The following RSRC1 variants were observed in gnomAD, a reference collection of about 807,000 sequenced individuals.
RSRC1 encodes the protein serine/Arginine-related protein 53.
Under a neutral mutation model 49.1 loss-of-function variants are expected in RSRC1, and 39 were observed. The ratio of observed to expected loss-of-function variants is 0.79; its 90% CI spans 0.61 to 1.04. RSRC1 has a LOEUF of 1.04. RSRC1 is among the 50% of genes least tolerant of loss of function. RSRC1 has a pLI of 0.00. For synonymous variants in RSRC1, 143 were observed against 130.8 expected, an observed-to-expected ratio of 1.09 and a Z score of -0.63; for missense variants, 388 against 402.4, an observed-to-expected ratio of 0.96 and a Z score of 0.31.
intron 7 of RSRC1, among the ~76,000 whole-genome samples, chr3:158,467,533 A>G (rs1379996929): frequency 6.6e-6 from 1 of 152,184 alleles, no homozygotes; most frequent in Non-Finnish European, 1.5e-5. Context: ...TCTGGTTTTT[A>G]GCACAATTTG....
chr3:158,163,537 C>A (rs149291282), intron 3 of RSRC1, among the ~76,000 whole-genome samples: 1 of 152,196 alleles, frequency 6.6e-6, no homozygotes, highest in East Asian at 1.9e-4. Flanking sequence ...CTCTGAATTA[C>A]GTACTTTTTT....
intron 6 of RSRC1, among the ~76,000 whole-genome samples, chr3:158,383,334 G>A (rs536837030): frequency 1.3e-5 from 2 of 152,148 alleles, no homozygotes; most frequent in African/African-American, 2.4e-5. Context: ...ATATGAAGGG[G>A]TGACTGTCCT....
chr3:158,112,361 ATAT>A (rs1003457888), intron 1 of RSRC1, among the ~76,000 whole-genome samples: 25 of 152,282 alleles, frequency 1.6e-4, no homozygotes, highest in Middle Eastern at 3.4e-3. Context: ...CATGCTGATG[ATAT>A]TATGGAAATC....
chr3:158,428,516 A>C (rs1735588313), intron 6 of RSRC1, among the ~76,000 whole-genome samples: 1 of 151,820 alleles, frequency 6.6e-6, no homozygotes, highest in African/African-American at 2.4e-5. Flanking sequence ...TTAACTGTAA[A>C]ATGAGTATGA....
chr3:158,447,804 G>A (rs976196369), intron 6 of RSRC1, among the ~76,000 whole-genome samples: 1 of 151,756 alleles, frequency 6.6e-6, no homozygotes, highest in South Asian at 2.1e-4. Context: ...CAATAATAAT[G>A]TAAAAATTAG....
intron 3 of RSRC1, among the ~76,000 whole-genome samples, chr3:158,199,970 T>G (rs1019832575): frequency 2.4e-5 from 3 of 127,486 alleles, no homozygotes; most frequent in African/African-American, 7.8e-5. Context: ...GAAGTATAGT[T>G]TATGTGACAT....
At chr3:158,122,502 AATAG>A (rs1715326692) in intron 2 of RSRC1, among the ~76,000 whole-genome samples, 2 of 151,996 alleles carry the variant, frequency 1.3e-5, no homozygotes, top group East Asian at 1.9e-4. Context: ...TTAGTAGGCA[AATAG>A]ATAGAAAGTG....
chr3:158,233,273 A>G (rs560400199), intron 4 of RSRC1, among the ~76,000 whole-genome samples: 2 of 152,276 alleles, frequency 1.3e-5, no homozygotes, highest in East Asian at 1.9e-4. Flanking sequence ...AAAGCCGTCT[A>G]TATTTTCCTG....
chr3:158,241,927 A>C (rs911486819), intron 4 of RSRC1, among the ~76,000 whole-genome samples: 3 of 150,490 alleles, frequency 2.0e-5, no homozygotes, highest in African/African-American at 4.9e-5. Context: ...TATACAATTT[A>C]GTGAATTTTT....
rs1383056620 is a variant in RSRC1 at position 158,423,538 on chromosome 3, C to T, written c.584-37397C>T. On this transcript the variant is annotated intron_variant, in intron 6 of 9. Transcript: ENST00000611884. Reference sequence around the variant, plus strand: ...ATGCCTCCAGCTTTGTTCTTTGGCTCAGGATTGACTTGGCGATGCGGGCTC... The same window carrying T: ...ATGCCTCCAGCTTTGTTCTTTGGCTTAGGATTGACTTGGCGATGCGGGCTC... 2.0e-5 allele frequency among the ~76,000 whole-genome samples: 3 copies of T among 151,936 alleles called. 1 individual carries two copies. The highest frequency in any genetic ancestry group is 7.2e-5 in the African/African-American group (3 of 41,390).
Position 158,532,169 on chromosome 3 carries a change from T to C in RSRC1, c.653-4923T>C, listed in dbSNP as rs1379635013. On this transcript the variant is annotated intron_variant, in intron 7 of 9. Coordinates refer to ENST00000611884, the MANE Select transcript of RSRC1 (RefSeq NM_001271838.2). Reference sequence around the variant, plus strand: ...ATAGTAACATAAGTAACTCAGTAACTGTGGGGCCAACTGACCCAAATTTTT... The same window carrying C: ...ATAGTAACATAAGTAACTCAGTAACCGTGGGGCCAACTGACCCAAATTTTT... Among the ~76,000 whole-genome samples, 5 of 151,832 alleles carry C rather than the reference T, an allele frequency of 3.3e-5. No homozygotes were observed. In the East Asian group the frequency reaches 9.7e-4, roughly 29 times the overall value.
At chr3:158,251,799 C>A (rs1214445687) in intron 4 of RSRC1, among the ~76,000 whole-genome samples, 7 of 152,106 alleles carry the variant, frequency 4.6e-5, no homozygotes, top group Non-Finnish European at 7.4e-5. Context: ...AGTTTAGATG[C>A]CCTTCATTTT....
chr3:158,500,653 G>C (rs1339304729), intron 7 of RSRC1, among the ~76,000 whole-genome samples: 1 of 152,008 alleles, frequency 6.6e-6, no homozygotes, highest in Non-Finnish European at 1.5e-5. Flanking sequence ...GTACATAAAG[G>C]TGTTCATAGT....
At chr3:158,180,051 G>A (rs1719486744) in intron 3 of RSRC1, among the ~76,000 whole-genome samples, 1 of 151,952 alleles carries the variant, frequency 6.6e-6, no homozygotes, top group African/African-American at 2.4e-5. Flanking sequence ...ATGTTAACTT[G>A]TTTTGTCCTT....
chr3:158,296,752 C>A (rs1359779568), intron 4 of RSRC1, among the ~76,000 whole-genome samples: 1 of 151,976 alleles, frequency 6.6e-6, no homozygotes, highest in Non-Finnish European at 1.5e-5. Flanking sequence ...CATTAAATAT[C>A]TAAACATTGA....
intron 6 of RSRC1, among the ~76,000 whole-genome samples, chr3:158,438,108 C>G (rs1054048067): frequency 1.3e-5 from 2 of 152,092 alleles, no homozygotes; most frequent in African/African-American, 4.8e-5. Context: ...ATCCAACTTA[C>G]AAGGGATGTG....
chr3:158,442,455 G>A (rs1736434516), intron 6 of RSRC1, among the ~76,000 whole-genome samples: 1 of 151,732 alleles, frequency 6.6e-6, no homozygotes, highest in Non-Finnish European at 1.5e-5. Flanking sequence ...AATTTTTTTT[G>A]TTAATACTTA....
intron 5 of RSRC1, among the ~76,000 whole-genome samples, chr3:158,338,652 G>A (rs145003867): frequency 1.4e-4 from 22 of 152,316 alleles, no homozygotes; most frequent in African/African-American, 4.8e-4. Flanking sequence ...AGCATCCAAA[G>A]ACTAAAGGAA....
intron 3 of RSRC1, among the ~76,000 whole-genome samples, chr3:158,156,578 G>T (rs1717892829): frequency 6.6e-6 from 1 of 152,144 alleles, no homozygotes; most frequent in Non-Finnish European, 1.5e-5. Flanking sequence ...TCTAGCTTTT[G>T]ATTTAAAGTG....
Sources: gnomAD v4.1 joint callset for allele counts (sites outside exome capture counted in the v4.1 genomes callset) on GRCh38, gnomAD v4.1.1 for gene constraint, MANE v1.5 for transcripts, NCBI Gene and HGNC (gene_info 2026-07-23, HGNC 2026-07-21) for gene names.